ZNF7: variants seen among roughly 807,000 people sequenced by gnomAD.
ZNF7 encodes the protein zinc finger protein 7.
Under a neutral mutation model 12.0 loss-of-function variants are expected in ZNF7, and 10 were observed. That is an observed-to-expected ratio of 0.83 (90% CI 0.51 to 1.42). The LOEUF (loss-of-function observed/expected upper bound fraction) is 1.42, where lower values mean the gene tolerates loss of function less well. Ranked by LOEUF, ZNF7 falls within the 40% of genes most tolerant of loss-of-function variation. The pLI is 0.00. For synonymous variants in ZNF7, 334 were observed against 295.0 expected (o/e 1.13, Z -1.35); for missense variants, 854 against 837.2 (o/e 1.02, Z -0.25).
At chr8:144,836,308 A>C (rs1402847707) in intron 3 of ZNF7, 1 of 152,276 alleles carries the variant, frequency 6.6e-6, no homozygotes, top group Non-Finnish European at 1.5e-5. Context: ...CTCCGGCCTG[A>C]GTGCTAGAGC....
downstream of ZNF7, chr8:144,845,903 G>T: frequency 7.0e-7 from 1 of 1,428,110 alleles, no homozygotes; most frequent in Non-Finnish European, 9.4e-7. Flanking sequence ...GAAGGGTCTT[G>T]GCAGGTAATG....
downstream of ZNF7, chr8:144,843,831 C>T (rs1266139845): frequency 6.6e-6 from 1 of 152,180 alleles, no homozygotes; most frequent in Non-Finnish European, 1.5e-5. Flanking sequence ...CAGTGGCTCA[C>T]ACTGGCTTCA....
Position 144,843,327 on chromosome 8 carries a change from T to G in ZNF7, c.*159T>G, listed in dbSNP as rs149070948. The stretch of plus-strand genomic sequence containing the variant: ...ACTTCAGGCCGAGTGTGGTGGCTTA[T>G]GCCTGTCATCCCAGCACTTTGGGAG... On this transcript the variant is annotated 3_prime_UTR_variant, in exon 5 of 5. Coordinates refer to ENST00000532777, the MANE Select transcript of ZNF7 (RefSeq NM_003416.4). The G allele has an allele frequency of 2.7e-5, 24 of 878,108 alleles. No homozygotes were observed. Among genetic ancestry groups the G allele is most frequent in the South Asian group, 2.3e-4 (11 of 47,940 alleles). 54.4% of individuals were successfully genotyped at this position (878,108 alleles called of 1,614,324 possible).
downstream of ZNF7, chr8:144,846,347 C>G: frequency 1.5e-6 from 1 of 651,132 alleles, no homozygotes; most frequent in Non-Finnish European, 2.5e-6. Context: ...TTTTACATTT[C>G]TGAATGGTTG....
rs576089846 is a variant in ZNF7, at chr8:144,838,476, G to A, written c.247+969G>A. On this transcript the variant is annotated intron_variant, in intron 4 of 4. Transcript: ENST00000532777. The stretch of plus-strand genomic sequence containing the variant: ...GCCGGTGTGCTGCCCAGCATGACAA[G>A]GGAGATGGGTCTGCGTGCATCTCAG... 5.8e-5 allele frequency: 17 copies of A among 293,910 alleles called. 1 individual carries two copies. The South Asian group carries it at 1.1e-3, about 19-fold the overall frequency. 18.2% of individuals were successfully genotyped at this position (293,910 alleles called of 1,614,324 possible).
chr8:144,840,483 G>A (rs575537899), intron 4 of ZNF7, among the ~76,000 whole-genome samples: 10 of 152,182 alleles, frequency 6.6e-5, no homozygotes, highest in Non-Finnish European at 8.8e-5. Flanking sequence ...TGATTGTGTC[G>A]TGGTGGGGAC....
At position 144,842,795 on chromosome 8, in the gene ZNF7, G is replaced by A; in HGVS notation, c.1688G>A (p.Ser563Asn). 1 of 1,614,226 alleles carries A rather than the reference G, an allele frequency of 6.2e-7. No homozygotes were observed. The highest frequency in any genetic ancestry group is 8.5e-7 in the Non-Finnish European group (1 of 1,180,048). ...TGTAATGAATGTGGGAAAGCCTTCAGTCAAAACTCAACCCTTTTCCAACAC... is the reference window on the plus strand; with the variant it reads ...TGTAATGAATGTGGGAAAGCCTTCAATCAAAACTCAACCCTTTTCCAACAC... ...YKCNECGKAFSQNSTLFQHQI... is the reference protein window; with the variant it reads ...YKCNECGKAFNQNSTLFQHQI... The change falls in exon 5 of 5, where the codon AGT becomes AAT. Residue 563 changes from serine to asparagine, a missense_variant. Physicochemically the swap from Ser to Asn is conservative, Grantham distance 46. Coordinates refer to ENST00000532777, the MANE Select transcript of ZNF7 (RefSeq NM_003416.4).
intron 3 of ZNF7, chr8:144,836,448 G>T (rs967489856): frequency 1.3e-5 from 2 of 152,174 alleles, no homozygotes; most frequent in South Asian, 2.1e-4. Flanking sequence ...GTAGCTAATG[G>T]CATCTAAGCA....
rs774549474 is a variant in ZNF7, at chr8:144,842,593, C to T, written c.1486C>T (p.Pro496Ser). ...QHQRIHTGEKPYVCNDCGKAF... is the reference protein window; with the variant it reads ...QHQRIHTGEKSYVCNDCGKAF... ...TCAGCGAATCCACACTGGAGAGAAA[C>T]CCTATGTGTGTAATGACTGTGGAAA... The change falls in exon 5 of 5, where the codon CCC becomes TCC. Residue 496 changes from proline (P) to serine (S), a missense_variant. Transcript: ENST00000532777. 1.2e-6 allele frequency: 2 copies of T among 1,614,202 alleles called. No homozygotes were observed. The highest frequency in any genetic ancestry group is 1.7e-6 in the Non-Finnish European group (2 of 1,180,036).
intron 1 of ZNF7, 81 bp from the exon 2 acceptor site, chr8:144,828,962 G>GT: frequency 7.8e-6 from 12 of 1,535,606 alleles, no homozygotes; most frequent in Non-Finnish European, 9.7e-6. Flanking sequence ...TAAAGGAGCA[G>GT]AGAGCACAGT....
chr8:144,833,905 G>T (rs534242309), intron 3 of ZNF7: 1 of 151,880 alleles, frequency 6.6e-6, no homozygotes, highest in East Asian at 1.9e-4. Context: ...TCAGCCTCCT[G>T]AGTAGCTGGG....
At chr8:144,837,554 C>A (rs1829162703) in intron 4 of ZNF7, 47 bp downstream of exon 4, 6 of 1,447,338 alleles carry the variant, frequency 4.1e-6, no homozygotes, top group Non-Finnish European at 5.7e-6. Flanking sequence ...TGAGGAGAAA[C>A]TGCAGGAGGG....
intron 1 of ZNF7, 195 bp downstream of exon 1, chr8:144,827,804 C>T (rs915944262): frequency 6.8e-5 from 39 of 575,216 alleles, no homozygotes; most frequent in East Asian, 1.4e-4. Flanking sequence ...TCCCCCGCGG[C>T]GGCGCGAGGT....
chr8:144,829,383 C>T (rs1386280737), intron 2 of ZNF7, 95 bp from the exon 3 acceptor site: 2 of 1,584,820 alleles, frequency 1.3e-6, no homozygotes, highest in East Asian at 4.5e-5. Context: ...TCTCGCCCAA[C>T]CCCATGGGGC....
intron 4 of ZNF7, chr8:144,838,681 G>GCCGGC (rs1237528744): frequency 6.5e-6 from 1 of 152,842 alleles, no homozygotes; most frequent in Non-Finnish European, 1.5e-5. Context: ...GGTGGCTCAC[G>GCCGGC]CCGGCCATTC....
At position 144,843,338 on chromosome 8, in the gene ZNF7, C is replaced by A. The variant is rs1830227821; in HGVS notation, c.*170C>A. The A allele has an allele frequency of 3.7e-6, 3 of 812,400 alleles. No individual in the cohort carries two copies. Among genetic ancestry groups the A allele is most frequent in the Non-Finnish European group, 5.4e-6 (3 of 553,982 alleles). 50.3% of individuals were successfully genotyped at this position (812,400 alleles called of 1,614,324 possible). ...AGTGTGGTGGCTTATGCCTGTCATC[C>A]CAGCACTTTGGGAGGCCAAGGCGGG... On this transcript the variant is annotated 3_prime_UTR_variant, in exon 5 of 5. Coordinates refer to ENST00000532777, the MANE Select transcript of ZNF7 (RefSeq NM_003416.4).
chr8:144,843,989 G>A (rs560949556), downstream of ZNF7, among the ~76,000 whole-genome samples: 1 of 152,258 alleles, frequency 6.6e-6, no homozygotes, highest in East Asian at 1.9e-4. Flanking sequence ...GAGGCAGGCT[G>A]GGCTAGCAGG....
chr8:144,827,635 T>C (rs1827915712), intron 1 of ZNF7, 26 bp downstream of exon 1: 2 of 985,478 alleles, frequency 2.0e-6, no homozygotes, highest in Non-Finnish European at 2.4e-6. Flanking sequence ...GGGCGCGGAC[T>C]CGGGTTGCCC....
chr8:144,846,110 C>T, downstream of ZNF7: 2 of 1,523,084 alleles, frequency 1.3e-6, no homozygotes, highest in Non-Finnish European at 1.7e-6. Context: ...CTCGTCATCT[C>T]CTCTTGGCCA....
Sources: allele counts gnomAD v4.1 joint callset (sites outside exome capture counted in the v4.1 genomes callset), GRCh38; gene constraint gnomAD v4.1.1; transcripts MANE v1.5; gene names NCBI Gene and HGNC (gene_info 2026-07-23, HGNC 2026-07-21).